The following FHIT variants were observed in gnomAD, a reference collection of about 807,000 sequenced individuals.
The protein encoded by FHIT is fragile histidine triad diadenosine triphosphatase.
A neutral mutation model predicts 17.9 loss-of-function variants in FHIT; 19 were observed. The observed-to-expected ratio is 1.06, with a 90% CI of 0.74 to 1.56. The LOEUF (loss-of-function observed/expected upper bound fraction) is 1.56, where lower values mean the gene tolerates loss of function less well. Among genes scored for constraint, FHIT ranks in the 40% most tolerant of loss-of-function variants. The pLI is 0.00. For synonymous variants in FHIT, 81 were observed against 69.7 expected (o/e 1.16, Z -0.81); for missense variants, 248 against 189.2 (o/e 1.31, Z -1.82).
intron 8 of FHIT, among the ~76,000 whole-genome samples, chr3:59,760,845 TC>T (rs199534944): frequency 0.047 from 7,196 of 151,684 alleles, 573 homozygotes; most frequent in African/African-American, 0.16. Flanking sequence ...TTTTTTTTTT[TC>T]GAGACAAGGT....
At chr3:60,697,656 TA>T (rs2041145222) in intron 4 of FHIT, among the ~76,000 whole-genome samples, 1 of 152,150 alleles carries the variant, frequency 6.6e-6, no homozygotes, top group Non-Finnish European at 1.5e-5. Context: ...AAACCACAGA[TA>T]AAATGCATTC....
chr3:60,822,940 T>C (rs1701977585), intron 3 of FHIT, among the ~76,000 whole-genome samples: 1 of 152,184 alleles, frequency 6.6e-6, no homozygotes, highest in Non-Finnish European at 1.5e-5. Flanking sequence ...GAAATAAAAA[T>C]ATCATAAACA....
Position 60,160,817 on chromosome 3 carries a change from T to C in FHIT, c.104-146665A>G, listed in dbSNP as rs140802555. Among the ~76,000 whole-genome samples, 1,331 of 135,238 alleles carry C rather than the reference T, an allele frequency of 9.8e-3. 24 individuals are homozygous for C. Among genetic ancestry groups the C allele is most frequent in the African/African-American group, 0.034 (1,285 of 37,618 alleles). 88.7% of individuals were successfully genotyped at this position (135,238 alleles called of 152,430 possible). On this transcript the variant is annotated intron_variant, in intron 5 of 9. Coordinates refer to ENST00000492590, the MANE Select transcript of FHIT (RefSeq NM_002012.4). ...ATGAGAGTGAGAATGAGAGCATGTGTGTGAGTGTGACAGAGAGAGAGAGAG... is the reference window on the plus strand; with the variant it reads ...ATGAGAGTGAGAATGAGAGCATGTGCGTGAGTGTGACAGAGAGAGAGAGAG...
intron 1 of FHIT, among the ~76,000 whole-genome samples, chr3:61,239,694 T>C (rs2040319704): frequency 6.7e-6 from 1 of 148,500 alleles, no homozygotes; most frequent in Non-Finnish European, 1.5e-5. Context: ...TTCATAACAA[T>C]CTACGAAGTG....
intron 5 of FHIT, among the ~76,000 whole-genome samples, chr3:60,189,232 G>A (rs1702292895): frequency 6.6e-6 from 1 of 151,926 alleles, no homozygotes; most frequent in Non-Finnish European, 1.5e-5. Flanking sequence ...CAATTTAGAA[G>A]CTGGGGGTGG....
At chr3:60,503,664 A>C (rs183077220) in intron 5 of FHIT, among the ~76,000 whole-genome samples, 1 of 152,332 alleles carries the variant, frequency 6.6e-6, no homozygotes, top group African/African-American at 2.4e-5. Context: ...GAAACCACTG[A>C]AAATGAAGTT....
intron 5 of FHIT, among the ~76,000 whole-genome samples, chr3:60,057,693 GA>G (rs111902847): frequency 2.0e-3 from 270 of 133,628 alleles, no homozygotes; most frequent in Middle Eastern, 7.7e-3. Flanking sequence ...CAGGCCTCTC[GA>G]AAAAAAAAAA....
At chr3:59,986,042 C>T (rs531811741) in intron 7 of FHIT, among the ~76,000 whole-genome samples, 2 of 152,140 alleles carry the variant, frequency 1.3e-5, no homozygotes, top group East Asian at 1.9e-4. Flanking sequence ...GTATCACTTC[C>T]TTTGCGGTCT....
chr3:60,549,751 G>T (rs530793572), intron 4 of FHIT, among the ~76,000 whole-genome samples: 1 of 152,072 alleles, frequency 6.6e-6, no homozygotes, highest in African/African-American at 2.4e-5. Context: ...ATGTCTCCTA[G>T]GCAACCAGGA....
At chr3:59,948,289 G>C (rs1401884295) in intron 7 of FHIT, among the ~76,000 whole-genome samples, 1 of 150,258 alleles carries the variant, frequency 6.7e-6, no homozygotes, top group African/African-American at 2.5e-5. Context: ...TAGATCATAA[G>C]GTCAGGACAT....
intron 4 of FHIT, among the ~76,000 whole-genome samples, chr3:60,614,794 A>G (rs1553675028): frequency 6.7e-6 from 1 of 149,888 alleles, no homozygotes; most frequent in Admixed American, 6.7e-5. Context: ...CGATTTGTAA[A>G]AAATTGCAAA....
intron 5 of FHIT, among the ~76,000 whole-genome samples, chr3:60,154,521 G>T (rs1700598276): frequency 1.8e-4 from 28 of 152,204 alleles, no homozygotes; most frequent in Admixed American, 1.6e-3. Context: ...ATGACAAGAG[G>T]TATATTGCCA....
chr3:60,864,721 T>C (rs967458564), intron 3 of FHIT, among the ~76,000 whole-genome samples: 1 of 152,152 alleles, frequency 6.6e-6, no homozygotes, highest in Non-Finnish European at 1.5e-5. Context: ...CATGATACGG[T>C]AAATCATCTT....
At chr3:60,626,746 G>A (rs1559594736) in intron 4 of FHIT, among the ~76,000 whole-genome samples, 1 of 148,500 alleles carries the variant, frequency 6.7e-6, no homozygotes. Flanking sequence ...GGCAAGAGGG[G>A]ATATCTGTGC....
intron 4 of FHIT, among the ~76,000 whole-genome samples, chr3:60,805,410 C>G (rs548907822): frequency 6.6e-6 from 1 of 152,052 alleles, no homozygotes; most frequent in African/African-American, 2.4e-5. Flanking sequence ...CCTTTTCGTT[C>G]ACCATGTCAC....
chr3:60,543,078 A>G (rs2036237724), intron 4 of FHIT, among the ~76,000 whole-genome samples: 1 of 152,186 alleles, frequency 6.6e-6, no homozygotes, highest in Admixed American at 6.5e-5. Flanking sequence ...ACGCTGTAGA[A>G]CAAAGGTCGC....
chr3:60,249,511 G>T (rs931818492), intron 5 of FHIT, among the ~76,000 whole-genome samples: 1 of 150,468 alleles, frequency 6.6e-6, no homozygotes, highest in African/African-American at 2.4e-5. Flanking sequence ...AGTGAGAGAT[G>T]AAAGTTGGAC....
At chr3:60,807,528 C>G (rs1553734677) in intron 4 of FHIT, among the ~76,000 whole-genome samples, 2 of 152,234 alleles carry the variant, frequency 1.3e-5, no homozygotes, top group East Asian at 3.9e-4. Context: ...GTAGAGGCTA[C>G]AGTGAGCCAT....
chr3:60,017,343 G>A (rs951677773), intron 5 of FHIT, among the ~76,000 whole-genome samples: 2 of 151,884 alleles, frequency 1.3e-5, no homozygotes, highest in African/African-American at 4.9e-5. Context: ...AGAATCGTAA[G>A]ATCAAAAAGG....
Sources: gnomAD v4.1 joint callset for allele counts (sites outside exome capture counted in the v4.1 genomes callset) on GRCh38, gnomAD v4.1.1 for gene constraint, MANE v1.5 for transcripts, NCBI Gene and HGNC (gene_info 2026-07-23, HGNC 2026-07-21) for gene names.